Variants in DYNC1I2 observed in about 807,000 individuals in gnomAD.
The protein encoded by DYNC1I2 is cytoplasmic dynein 1 intermediate chain 2.
DYNC1I2 carries 53 observed loss-of-function variants against 88.6 expected under a neutral mutation model. The observed-to-expected ratio is 0.60, with a 90% CI of 0.48 to 0.75. DYNC1I2 has a LOEUF of 0.75. Among genes scored for constraint, DYNC1I2 ranks in the 30% least tolerant of loss-of-function variants. The pLI, the probability that DYNC1I2 is intolerant of heterozygous loss-of-function variation, is 0.00. For synonymous variants in DYNC1I2, 198 were observed against 254.6 expected, an observed-to-expected ratio of 0.78 and a Z score of 2.12; for missense variants, 458 against 766.6, an observed-to-expected ratio of 0.60 and a Z score of 4.75.
In DYNC1I2 at chr2:171,740,726, C is replaced by T. The variant is rs544070751; in HGVS notation, c.1537-3323C>T. Among the ~76,000 whole-genome samples the T allele has an allele frequency of 5.3e-4, 81 of 151,858 alleles. 1 individual carries two copies. In the South Asian group the frequency reaches 0.016, roughly 31 times the overall value. ...TTGTAGATGTACTTTTGCTGATCTTCTTTATCACTTTTTTTTTTAGATCAC... is the reference window on the plus strand; with the variant it reads ...TTGTAGATGTACTTTTGCTGATCTTTTTTATCACTTTTTTTTTTAGATCAC... On this transcript the variant is annotated intron_variant, in intron 15 of 17. Coordinates refer to ENST00000397119, the MANE Select transcript of DYNC1I2 (RefSeq NM_001378.3).
chr2:171,739,007 G>C (rs1482586449), intron 15 of DYNC1I2, among the ~76,000 whole-genome samples: 1 of 151,570 alleles, frequency 6.6e-6, no homozygotes, highest in Non-Finnish European at 1.5e-5. Flanking sequence ...AATTAGCCAT[G>C]TGTGGTGGTG....
intron 7 of DYNC1I2, among the ~76,000 whole-genome samples, chr2:171,718,730 C>T (rs1184404175): frequency 6.6e-6 from 1 of 151,978 alleles, no homozygotes; most frequent in African/African-American, 2.4e-5. Flanking sequence ...ACTGCCCCGG[C>T]CGTCTCCAAA....
chr2:171,728,451 G>A, intron 13 of DYNC1I2, 33 bp downstream of exon 13: 1 of 1,347,400 alleles, frequency 7.4e-7, no homozygotes, highest in Non-Finnish European at 1.0e-6. Flanking sequence ...AAATTTTGAG[G>A]CAAATGTTAT....
intron 7 of DYNC1I2, 63 bp from the exon 8 acceptor site, chr2:171,725,555 A>C: frequency 9.1e-7 from 1 of 1,101,528 alleles, no homozygotes; most frequent in Non-Finnish European, 1.3e-6. Flanking sequence ...TATTTTCATT[A>C]AAATAATTTA....
Position 171,744,058 on chromosome 2 carries a change from C to A in DYNC1I2, c.1546C>A (p.Pro516Thr), listed in dbSNP as rs767705533. 7 of 1,609,450 alleles carry A rather than the reference C, an allele frequency of 4.3e-6. No homozygotes were observed. In the African/African-American group the frequency reaches 9.4e-5, roughly 22 times the overall value. Residue 516 changes from proline to threonine, a missense_variant, in exon 16 of 18, where the codon CCT becomes ACT. Transcript: ENST00000397119. ...AACTTTTCTCTTTCAGAATAACAAG[C>A]CTTTGTATTCATTTGAAGATAATGC... ...VKLWTTKNNK[P>T]LYSFEDNADY...
chr2:171,723,566 C>T (rs748531296), intron 7 of DYNC1I2, among the ~76,000 whole-genome samples: 19 of 152,030 alleles, frequency 1.2e-4, no homozygotes, highest in Non-Finnish European at 2.1e-4. Flanking sequence ...AGAATTGCTA[C>T]CAATTATACT....
chr2:171,693,728 G>A (rs1043399265), intron 3 of DYNC1I2, among the ~76,000 whole-genome samples: 1 of 152,172 alleles, frequency 6.6e-6, no homozygotes, highest in Non-Finnish European at 1.5e-5. Flanking sequence ...AGATGAAAAG[G>A]CTGGCTACTC....
intron 3 of DYNC1I2, among the ~76,000 whole-genome samples, chr2:171,700,895 T>C (rs1686207522): frequency 6.6e-6 from 1 of 152,150 alleles, no homozygotes; most frequent in Non-Finnish European, 1.5e-5. Flanking sequence ...CCTCCCAAAG[T>C]GCTGGGATTA....
At chr2:171,697,966 T>C (rs2105486710) in intron 3 of DYNC1I2, among the ~76,000 whole-genome samples, 1 of 152,352 alleles carries the variant, frequency 6.6e-6, no homozygotes, top group South Asian at 2.1e-4. Flanking sequence ...TTGTATCATA[T>C]TAGTAGCACA....
At chr2:171,739,694 CTCTT>C (rs1373323485) in intron 15 of DYNC1I2, among the ~76,000 whole-genome samples, 2 of 127,074 alleles carry the variant, frequency 1.6e-5, no homozygotes, top group African/African-American at 5.9e-5. Flanking sequence ...ATTGACATAT[CTCTT>C]TTTTTTTTTT....
chr2:171,724,195 A>C lies in DYNC1I2; in HGVS notation c.512-1423A>C, dbSNP rs1322480122. Among the ~76,000 whole-genome samples the C allele has an allele frequency of 2.0e-5, 3 of 152,336 alleles. No individual in the cohort carries two copies. The South Asian group carries it at 6.2e-4, about 32-fold the overall frequency. ...AGTTGGAGGTTGTATCATTGTGTGC[A>C]TTATACAGTGTCATTTAAAGCTTTC... On this transcript the variant is annotated intron_variant, in intron 7 of 17. Coordinates refer to ENST00000397119, the MANE Select transcript of DYNC1I2 (RefSeq NM_001378.3).
intron 7 of DYNC1I2, among the ~76,000 whole-genome samples, chr2:171,723,484 C>G (rs1688031265): frequency 6.6e-6 from 1 of 152,116 alleles, no homozygotes; most frequent in South Asian, 2.1e-4. Flanking sequence ...TGTAATTAAA[C>G]TATTTTGTTA....
intron 5 of DYNC1I2, among the ~76,000 whole-genome samples, chr2:171,710,858 A>G (rs1687072468): frequency 6.7e-6 from 1 of 149,948 alleles, no homozygotes; most frequent in African/African-American, 2.4e-5. Flanking sequence ...GTGTGTCACC[A>G]TACCCAGCTA....
chr2:171,703,479 C>T (rs999244829), intron 3 of DYNC1I2, among the ~76,000 whole-genome samples: 4 of 152,190 alleles, frequency 2.6e-5, no homozygotes, highest in African/African-American at 7.2e-5. Context: ...CCTTTTGCCT[C>T]AGTCCCCCAA....
Position 171,747,457 on chromosome 2 carries a change from A to T in DYNC1I2, c.1804-319A>T, listed in dbSNP as rs541524506. On this transcript the variant is annotated intron_variant, in intron 17 of 17. Coordinates refer to ENST00000397119, the MANE Select transcript of DYNC1I2 (RefSeq NM_001378.3). ...TTTGCAAGAATACAGTAAAAAAAAA[A>T]TTTTAAGGAATTCCTCTCCAGCAAA... Among the ~76,000 whole-genome samples the T allele has an allele frequency of 4.6e-3, 696 of 152,004 alleles. 6 individuals carry two copies. Among genetic ancestry groups the T allele is most frequent in the South Asian group, 0.03 (145 of 4,812 alleles).
intron 7 of DYNC1I2, among the ~76,000 whole-genome samples, chr2:171,716,111 CA>C (rs531123301): frequency 6.6e-4 from 96 of 145,102 alleles, no homozygotes; most frequent in Non-Finnish European, 9.7e-4. Flanking sequence ...TTATATCATA[CA>C]AAAAAAAAAG....
chr2:171,740,240 A>G (rs1559407410), intron 15 of DYNC1I2, among the ~76,000 whole-genome samples: 1 of 152,148 alleles, frequency 6.6e-6, no homozygotes, highest in African/African-American at 2.4e-5. Context: ...TGATTTGGTT[A>G]TCCACCAGAC....
intron 15 of DYNC1I2, among the ~76,000 whole-genome samples, chr2:171,736,520 G>A (rs976629323): frequency 2.0e-5 from 3 of 152,138 alleles, no homozygotes; most frequent in Non-Finnish European, 4.4e-5. Context: ...GTAAGGAGTT[G>A]GAACAAAAGA....
intron 3 of DYNC1I2, among the ~76,000 whole-genome samples, chr2:171,693,250 T>C (rs1203265175): frequency 2.0e-5 from 3 of 152,196 alleles, no homozygotes; most frequent in African/African-American, 7.2e-5. Context: ...TTCTGGAGAT[T>C]AGCGAGAGAT....
Sources: allele counts gnomAD v4.1 joint callset (sites outside exome capture counted in the v4.1 genomes callset), GRCh38; gene constraint gnomAD v4.1.1; transcripts MANE v1.5; gene names NCBI Gene and HGNC (gene_info 2026-07-23, HGNC 2026-07-21).